The following TOGARAM1 variants were observed in gnomAD, a reference collection of about 807,000 sequenced individuals.
TOGARAM1 encodes TOG array regulator of axonemal microtubules 1.
Under a neutral mutation model 166.6 loss-of-function variants are expected in TOGARAM1, and 100 were observed. The ratio of observed to expected loss-of-function variants is 0.60; its 90% CI spans 0.51 to 0.71. TOGARAM1 has a LOEUF of 0.71. Ranked by LOEUF, TOGARAM1 falls within the 30% of genes least tolerant of loss-of-function variation. The pLI, the probability that TOGARAM1 is intolerant of heterozygous loss-of-function variation, is 0.00. For synonymous variants in TOGARAM1, 758 were observed against 763.8 expected (o/e 0.99, Z 0.13); for missense variants, 2,029 against 2,102.7 (o/e 0.96, Z 0.69).
At position 44,962,496 on chromosome 14, in the gene TOGARAM1, C is replaced by T. The variant is rs753037195; in HGVS notation, c.75C>T (p.Arg25=). The change falls in exon 1 of 20, where the codon CGC becomes CGT. Residue 25 remains arginine, a synonymous_variant. Transcript: ENST00000361462. ...TCTCTACCTATCGGCTCCAGAGCCG[C>T]AGTCGTCCTTCCGCCCCAGAGACCG... is the stretch of plus-strand genomic sequence containing the variant. ...PVLSTYRLQS[R]SRPSAPETDD... is the part of the protein sequence containing the mutation. 7.4e-6 allele frequency: 12 copies of T among 1,611,870 alleles called. No homozygotes were observed. In the South Asian group the frequency reaches 9.9e-5, roughly 13 times the overall value.
At chr14:45,045,582 TA>T (rs1881985333) in intron 13 of TOGARAM1, among the ~76,000 whole-genome samples, 1 of 30,456 alleles carries the variant, frequency 3.3e-5, no homozygotes, top group Admixed American at 4.2e-4. Flanking sequence ...TATATATATA[TA>T]TGTGTGTGTG....
intron 7 of TOGARAM1, among the ~76,000 whole-genome samples, chr14:45,024,434 ATTTC>A (rs1880706454): frequency 6.9e-6 from 1 of 144,986 alleles, no homozygotes; most frequent in Non-Finnish European, 1.5e-5. Flanking sequence ...TTCTTTCAAC[ATTTC>A]TTTAAGAAAA....
At chr14:45,071,899 T>C in intron 19 of TOGARAM1, 101 bp downstream of exon 19, 1 of 778,150 alleles carries the variant, frequency 1.3e-6, no homozygotes, top group Non-Finnish European at 2.0e-6. Flanking sequence ...TTAATATAGC[T>C]ACCCACAAAG....
intron 8 of TOGARAM1, among the ~76,000 whole-genome samples, chr14:45,026,198 C>T (rs1027441608): frequency 3.3e-5 from 5 of 152,016 alleles, no homozygotes; most frequent in South Asian, 4.2e-4. Flanking sequence ...TATTTATCAG[C>T]GTAATAATCA....
chr14:45,071,285 GTTTTTTT>G, intron 18 of TOGARAM1, among the ~76,000 whole-genome samples: 1 of 138,206 alleles, frequency 7.2e-6, no homozygotes, highest in East Asian at 2.1e-4. Flanking sequence ...GATTCAGGCA[GTTTTTTT>G]TTTTTTTTTT....
At chr14:45,017,991 G>A (rs1317681274) in intron 7 of TOGARAM1, among the ~76,000 whole-genome samples, 1 of 152,158 alleles carries the variant, frequency 6.6e-6, no homozygotes, top group Admixed American at 6.5e-5. Context: ...TATTACAGCT[G>A]CATTTTAAAA....
chr14:44,999,216 T>C, intron 2 of TOGARAM1, 147 bp from the exon 3 acceptor site: 1 of 625,116 alleles, frequency 1.6e-6, no homozygotes, highest in Non-Finnish European at 2.5e-6. Context: ...TCAAAAGCTG[T>C]ATCCCTTTCT....
intron 16 of TOGARAM1, among the ~76,000 whole-genome samples, chr14:45,057,564 A>G (rs986259085): frequency 4.0e-5 from 6 of 151,832 alleles, no homozygotes; most frequent in Admixed American, 2.0e-4. Flanking sequence ...AGTGCTTTCT[A>G]CTTTTTTCAT....
intron 7 of TOGARAM1, among the ~76,000 whole-genome samples, chr14:45,016,966 A>G (rs372727486): frequency 1.3e-5 from 2 of 152,226 alleles, no homozygotes; most frequent in South Asian, 2.1e-4. Flanking sequence ...TACAACATCC[A>G]GTGTAAGCAT....
intron 1 of TOGARAM1, among the ~76,000 whole-genome samples, chr14:44,965,855 G>A (rs11847071): frequency 0.054 from 8,104 of 150,974 alleles, 547 homozygotes; most frequent in African/African-American, 0.16. Context: ...TACACTGGGG[G>A]CTTACAAATA....
At chr14:45,015,528 A>G (rs2138871220) in intron 7 of TOGARAM1, among the ~76,000 whole-genome samples, 1 of 151,568 alleles carries the variant, frequency 6.6e-6, no homozygotes, top group South Asian at 2.1e-4. Context: ...ATTCAAATGT[A>G]AATTAAAATT....
chr14:45,030,376 T>C (rs111522276), intron 10 of TOGARAM1, among the ~76,000 whole-genome samples: 4 of 152,332 alleles, frequency 2.6e-5, no homozygotes, highest in African/African-American at 9.6e-5. Context: ...TCCACATTGG[T>C]TTCTTCATCT....
intron 3 of TOGARAM1, among the ~76,000 whole-genome samples, 176 bp downstream of exon 3, chr14:44,999,673 T>G (rs1366852719): frequency 6.6e-6 from 1 of 152,236 alleles, no homozygotes; most frequent in Non-Finnish European, 1.5e-5. Context: ...GTTTTCATAA[T>G]CTTTATATAA....
chr14:45,020,247 C>T (rs1050779492), intron 7 of TOGARAM1, among the ~76,000 whole-genome samples: 1 of 152,178 alleles, frequency 6.6e-6, no homozygotes, highest in African/African-American at 2.4e-5. Context: ...ATTTCTTTAA[C>T]TTTCTCAGTG....
Position 44,964,000 on chromosome 14 carries a change from C to A in TOGARAM1, c.1579C>A (p.Arg527Ser), listed in dbSNP as rs1342786907. ...PALVDSKRRV[R>S]QAALEAFAVL... ...TCTTGTAGATAGCAAACGCAGGGTA[C>A]GCCAAGCAGCTTTAGAAGCTTTTGC... The change falls in exon 1 of 20, where the codon CGC becomes AGC. Residue 527 changes from arginine to serine, a missense_variant. By Grantham distance (110) the Arg-to-Ser change is moderately radical (BLOSUM62 -1). Coordinates refer to ENST00000361462, the MANE Select transcript of TOGARAM1 (RefSeq NM_001308120.2). 6.2e-7 allele frequency: 1 copy of A among 1,614,162 alleles called. No individual in the cohort carries two copies. Among genetic ancestry groups the A allele is most frequent in the Non-Finnish European group, 8.5e-7 (1 of 1,180,042 alleles).
intron 1 of TOGARAM1, among the ~76,000 whole-genome samples, chr14:44,991,162 T>C (rs1433354602): frequency 6.6e-6 from 1 of 151,952 alleles, no homozygotes; most frequent in African/African-American, 2.4e-5. Context: ...CTTGCCATGT[T>C]GCCCAGGCTG....
At chr14:44,979,343 G>A (rs1217702355) in intron 1 of TOGARAM1, among the ~76,000 whole-genome samples, 1 of 152,096 alleles carries the variant, frequency 6.6e-6, no homozygotes, top group African/African-American at 2.4e-5. Flanking sequence ...TCCAGTTAAG[G>A]CTCTCTGCTT....
intron 11 of TOGARAM1, among the ~76,000 whole-genome samples, chr14:45,035,914 C>A (rs1336594938): frequency 6.7e-6 from 1 of 148,742 alleles, no homozygotes; most frequent in East Asian, 2.0e-4. Flanking sequence ...AAGTTAAAGA[C>A]CAGCCTTTGC....
At chr14:45,055,016 G>C (rs1047562124) in intron 16 of TOGARAM1, among the ~76,000 whole-genome samples, 3 of 152,168 alleles carry the variant, frequency 2.0e-5, no homozygotes, top group Non-Finnish European at 4.4e-5. Context: ...AGGAGTTCGA[G>C]ATCAGCCTGG....
Sources: allele counts gnomAD v4.1 joint callset (sites outside exome capture counted in the v4.1 genomes callset), GRCh38; gene constraint gnomAD v4.1.1; transcripts MANE v1.5; gene names NCBI Gene and HGNC (gene_info 2026-07-23, HGNC 2026-07-21).